The following DYNC2I2 variants were observed in gnomAD, a reference collection of about 807,000 sequenced individuals.
DYNC2I2 encodes the protein cytoplasmic dynein 2 intermediate chain 2.
In DYNC2I2, 39 loss-of-function variants were observed where a neutral mutation model predicts 52.0. The observed-to-expected ratio is 0.75, with a 90% CI of 0.58 to 0.98. The LOEUF (loss-of-function observed/expected upper bound fraction) is 0.98, where lower values mean the gene tolerates loss of function less well. Ranked by LOEUF, DYNC2I2 falls within the 50% of genes least tolerant of loss-of-function variation. DYNC2I2 has a pLI of 0.00. For synonymous variants in DYNC2I2, 359 were observed against 321.1 expected (o/e 1.12, Z -1.26); for missense variants, 743 against 728.4 (o/e 1.02, Z -0.23).
chr9:128,669,173 G>A, the DYNC2I2 span, among the ~76,000 whole-genome samples: 4 of 151,982 alleles, frequency 2.6e-5, no homozygotes, highest in South Asian at 8.3e-4. Flanking sequence ...AGACCATCCT[G>A]GCTAACACGG....
intron 4 of DYNC2I2, 62 bp downstream of exon 4, chr9:128,636,219 C>CCT (rs1187444881): frequency 6.5e-7 from 1 of 1,550,056 alleles, no homozygotes; most frequent in East Asian, 2.4e-5. Flanking sequence ...TCCCTTGTGC[C>CCT]CTCTGCAGGG....
intron 8 of DYNC2I2, 93 bp downstream of exon 8, chr9:128,634,133 T>G: frequency 3.8e-6 from 6 of 1,579,010 alleles, no homozygotes; most frequent in Non-Finnish European, 5.2e-6. Flanking sequence ...TACCCCCATG[T>G]GTGGTCTTTT....
chr9:128,648,486 G>C (rs1016251077), intron 1 of DYNC2I2, among the ~76,000 whole-genome samples: 1 of 151,794 alleles, frequency 6.6e-6, no homozygotes, highest in Non-Finnish European at 1.5e-5. Context: ...GCCCCGCCAA[G>C]CCAAGCCAAG....
chr9:128,667,737 T>A, the DYNC2I2 span, among the ~76,000 whole-genome samples: 2 of 128,938 alleles, frequency 1.6e-5, no homozygotes, highest in African/African-American at 7.4e-5. Flanking sequence ...GCCCAGCTAA[T>A]TTTTTTTTTT....
At chr9:128,661,539 A>G (rs1589440455), upstream of DYNC2I2, among the ~76,000 whole-genome samples, 1 of 151,952 alleles carries the variant, frequency 6.6e-6, no homozygotes, top group Admixed American at 6.6e-5. Context: ...AATCGCTTGA[A>G]CCCAGGAAGT....
intron 6 of DYNC2I2, 83 bp downstream of exon 6, chr9:128,635,009 C>G: frequency 6.3e-7 from 1 of 1,584,340 alleles, no homozygotes; most frequent in Non-Finnish European, 8.6e-7. Context: ...GGGGAGATCA[C>G]AGCAAGTCAG....
At chr9:128,654,680 C>T (rs1402433605) in intron 1 of DYNC2I2, among the ~76,000 whole-genome samples, 1 of 152,174 alleles carries the variant, frequency 6.6e-6, no homozygotes, top group Non-Finnish European at 1.5e-5. Context: ...GCCTCAGCTG[C>T]TCAAGTAGCT....
intron 8 of DYNC2I2, 33 bp downstream of exon 8, chr9:128,634,193 T>TA (rs1554770798): frequency 6.2e-7 from 1 of 1,612,044 alleles, no homozygotes; most frequent in Non-Finnish European, 8.5e-7. Context: ...ACCCACCCCT[T>TA]AAACAGATCC....
rs750021708 is a variant in DYNC2I2 at position 128,640,823 on chromosome 9, G to A, written c.303C>T (p.Ser101=). Reference sequence around the variant, plus strand: ...CTGCGAGCCTGGGTATGTCATACTGGGACGGGGGCTGCACGCTGACAGGCA... The same window carrying A: ...CTGCGAGCCTGGGTATGTCATACTGAGACGGGGGCTGCACGCTGACAGGCA... ...APVPVSVQPP[S]QYDIPRLAAF... Residue 101 remains serine, a synonymous_variant, in exon 2 of 9, where the codon TCC becomes TCT. Transcript: ENST00000372715. The A allele has an allele frequency of 3.1e-6, 5 of 1,614,110 alleles. No individual in the cohort carries two copies. The South Asian group carries it at 4.4e-5, about 14-fold the overall frequency.
At chr9:128,653,127 GC>G (rs1056519383) in intron 1 of DYNC2I2, among the ~76,000 whole-genome samples, 2 of 150,980 alleles carry the variant, frequency 1.3e-5, no homozygotes, top group Admixed American at 1.3e-4. Flanking sequence ...TACTCAGGAA[GC>G]TGAGGCAGGA....
the DYNC2I2 span, among the ~76,000 whole-genome samples, chr9:128,671,144 T>C: frequency 6.0e-5 from 9 of 150,122 alleles, no homozygotes; most frequent in Non-Finnish European, 1.3e-4. Context: ...AAGAAACACA[T>C]GAAGAACTTC....
chr9:128,668,109 A>C, the DYNC2I2 span, among the ~76,000 whole-genome samples: 7 of 151,354 alleles, frequency 4.6e-5, no homozygotes, highest in Non-Finnish European at 8.8e-5. Context: ...TACAGGCGTG[A>C]GCCACTATGC....
the DYNC2I2 span, among the ~76,000 whole-genome samples, chr9:128,678,836 G>A: frequency 2.0e-5 from 3 of 151,902 alleles, no homozygotes; most frequent in Non-Finnish European, 2.9e-5. Context: ...TTGGGAGGTC[G>A]AGGCGAGCAG....
At position 128,635,024 on chromosome 9, in the gene DYNC2I2, A is replaced by G. The variant is rs890523715; in HGVS notation, c.981+68T>C. On this transcript the variant is annotated intron_variant, in intron 6 of 8. Coordinates refer to ENST00000372715, the MANE Select transcript of DYNC2I2 (RefSeq NM_052844.4). Reference sequence around the variant, plus strand: ...GGGGAGATCACAGCAAGTCAGGCCCACTGCCACACCTTCCCACCCCCAAGG... The same window carrying G: ...GGGGAGATCACAGCAAGTCAGGCCCGCTGCCACACCTTCCCACCCCCAAGG... The G allele has an allele frequency of 1.9e-6, 3 of 1,583,322 alleles. No homozygotes were observed. In the African/African-American group the frequency reaches 4.0e-5, roughly 21 times the overall value.
upstream of DYNC2I2, among the ~76,000 whole-genome samples, chr9:128,660,597 A>G (rs967872079): frequency 2.1e-5 from 3 of 144,680 alleles, no homozygotes; most frequent in Non-Finnish European, 4.5e-5. Context: ...GGCTTTCACC[A>G]TGTTAGCCAG....
At chr9:128,635,581 G>T in intron 5 of DYNC2I2, 77 bp downstream of exon 5, 2 of 1,342,398 alleles carry the variant, frequency 1.5e-6, no homozygotes, top group Non-Finnish European at 2.1e-6. Context: ...ACGCCCGGGT[G>T]ACCTTCCTAG....
At chr9:128,674,445 A>G in the DYNC2I2 span, among the ~76,000 whole-genome samples, 96 of 150,540 alleles carry the variant, frequency 6.4e-4, no homozygotes, top group African/African-American at 2.1e-3. Context: ...TCTCTAGCTA[A>G]TTTAAAAAAA....
rs762303082 is a variant in DYNC2I2 at position 128,640,873 on chromosome 9, C to T, written c.253G>A (p.Ala85Thr). Residue 85 changes from alanine to threonine, a missense_variant, in exon 2 of 9, where the codon GCC (alanine) becomes ACC (threonine). Coordinates refer to ENST00000372715, the MANE Select transcript of DYNC2I2 (RefSeq NM_052844.4). ...ASAQARNHVD[A>T]QVQTEAPVPV... is the part of the protein sequence containing the mutation. The stretch of plus-strand genomic sequence containing the variant: ...ACGGGGGCCTCCGTCTGCACCTGGG[C>T]GTCCACATGATTCCTGGCCTGGGCG... 4.5e-5 allele frequency: 72 copies of T among 1,613,202 alleles called. No homozygotes were observed. The highest frequency in any genetic ancestry group is 5.6e-5 in the Non-Finnish European group (66 of 1,179,604).
chr9:128,684,228 C>A, the DYNC2I2 span, among the ~76,000 whole-genome samples: 2 of 152,074 alleles, frequency 1.3e-5, no homozygotes, highest in Admixed American at 1.3e-4. Flanking sequence ...TCAACACTGA[C>A]CCCTGAGCTT....
Sources: allele counts gnomAD v4.1 joint callset (sites outside exome capture counted in the v4.1 genomes callset), GRCh38; gene constraint gnomAD v4.1.1; transcripts MANE v1.5; gene names NCBI Gene and HGNC (gene_info 2026-07-23, HGNC 2026-07-21).